Variants in TESC observed in about 807,000 individuals in gnomAD.
The protein encoded by TESC is tescalcin.
In TESC, 19 loss-of-function variants were observed where a neutral mutation model predicts 31.0. That is an observed-to-expected ratio of 0.61 (90% CI 0.43 to 0.90). The LOEUF (loss-of-function observed/expected upper bound fraction) is 0.90. TESC is among the 40% of genes least tolerant of loss of function. The pLI is 0.00. For missense variants in TESC, 248 were observed against 303.8 expected (o/e 0.82, Z 1.36); for synonymous variants, 109 against 114.8 (o/e 0.95, Z 0.32).
In TESC at chr12:117,090,319, C is replaced by A. The variant is rs1955289633; in HGVS notation, c.58+8906G>T. On this transcript the variant is annotated intron_variant, in intron 1 of 7. Coordinates refer to ENST00000335209, the MANE Select transcript of TESC (RefSeq NM_017899.4). Reference sequence around the variant, plus strand: ...ACATTAAGGTCCCCAATTATGAGCACAAGGGCAGAGATGGTGATTAAGTTT... The same window carrying A: ...ACATTAAGGTCCCCAATTATGAGCAAAAGGGCAGAGATGGTGATTAAGTTT... Among the ~76,000 whole-genome samples the A allele has an allele frequency of 2.0e-5, 3 of 152,308 alleles. No homozygotes were observed. In the South Asian group the frequency reaches 6.2e-4, roughly 32 times the overall value.
intron 1 of TESC, among the ~76,000 whole-genome samples, chr12:117,095,893 T>TA (rs960294247): frequency 1.6e-4 from 24 of 151,390 alleles, no homozygotes; most frequent in Non-Finnish European, 2.2e-4. Context: ...AACTAAAAAT[T>TA]AAAAAAAACT....
intron 1 of TESC, among the ~76,000 whole-genome samples, chr12:117,080,608 AG>A: frequency 6.6e-6 from 1 of 152,332 alleles, no homozygotes; most frequent in South Asian, 2.1e-4. Context: ...CTCACAGCTC[AG>A]GGAAGACTCC....
intron 2 of TESC, among the ~76,000 whole-genome samples, chr12:117,072,705 C>T (rs758492295): frequency 6.6e-6 from 1 of 152,248 alleles, no homozygotes; most frequent in Non-Finnish European, 1.5e-5. Flanking sequence ...TCTGCCTTCC[C>T]ACATCCTCCA....
intron 6 of TESC, among the ~76,000 whole-genome samples, chr12:117,044,225 C>G: frequency 6.6e-6 from 1 of 152,062 alleles, no homozygotes; most frequent in Non-Finnish European, 1.5e-5. Flanking sequence ...GATCACACCA[C>G]TGTACCACTG....
At chr12:117,060,846 G>C (rs1954792190) in intron 2 of TESC, among the ~76,000 whole-genome samples, 1 of 152,228 alleles carries the variant, frequency 6.6e-6, no homozygotes, top group South Asian at 2.1e-4. Context: ...GGGACCACGT[G>C]GAGCTCCAGA....
At chr12:117,042,559 T>C (rs1323335322) in intron 6 of TESC, among the ~76,000 whole-genome samples, 1 of 137,400 alleles carries the variant, frequency 7.3e-6, no homozygotes, top group Non-Finnish European at 1.6e-5. Context: ...CCGTGATAAC[T>C]CAGGGCCACT....
At chr12:117,098,833 GCTCT>G (rs1283875303) in intron 1 of TESC, among the ~76,000 whole-genome samples, 1 of 152,200 alleles carries the variant, frequency 6.6e-6, no homozygotes, top group Non-Finnish European at 1.5e-5. Flanking sequence ...AAAACTTTCC[GCTCT>G]CGCGCTCACG....
At chr12:117,098,950 G>A (rs947804205) in intron 1 of TESC, among the ~76,000 whole-genome samples, 1 of 152,046 alleles carries the variant, frequency 6.6e-6, no homozygotes. Context: ...GGAAGCCTGG[G>A]CCCCGCTCCC....
At position 117,057,760 on chromosome 12, in the gene TESC, A is replaced by G. The variant is rs146009761; in HGVS notation, c.129-874T>C. On this transcript the variant is annotated intron_variant, in intron 2 of 7. Transcript: ENST00000335209. ...AAATAAAATGTGGCCCATGCAATGG[A>G]GTTTTTTTGTTTGTTTGTTTTTTGA... Among the ~76,000 whole-genome samples the G allele has an allele frequency of 2.2e-3, 338 of 152,118 alleles. 1 individual carries two copies. The highest frequency in any genetic ancestry group is 6.8e-3 in the Middle Eastern group (2 of 294).
intron 1 of TESC, among the ~76,000 whole-genome samples, chr12:117,092,294 G>A (rs771913282): frequency 1.3e-5 from 2 of 152,200 alleles, no homozygotes; most frequent in Non-Finnish European, 1.5e-5. Flanking sequence ...AGTGCACATG[G>A]AACGCCATCC....
chr12:117,079,695 T>C (rs1015604963), intron 1 of TESC, among the ~76,000 whole-genome samples: 3 of 151,958 alleles, frequency 2.0e-5, no homozygotes, highest in African/African-American at 7.3e-5. Context: ...AGTACACCAG[T>C]GGCTGCCTGA....
chr12:117,089,177 C>T (rs1955269223), intron 1 of TESC, among the ~76,000 whole-genome samples: 1 of 152,200 alleles, frequency 6.6e-6, no homozygotes, highest in Non-Finnish European at 1.5e-5. Context: ...CAAGACTGAG[C>T]CACACACTGG....
intron 1 of TESC, among the ~76,000 whole-genome samples, chr12:117,080,924 T>TCA (rs1322580797): frequency 1.3e-5 from 2 of 152,248 alleles, no homozygotes; most frequent in Admixed American, 6.5e-5. Flanking sequence ...TCCTTGCTCC[T>TCA]CACCTCTGAG....
Position 117,051,606 on chromosome 12 carries a change from A to T in TESC, c.210-2448T>A, listed in dbSNP as rs546689917. ...CCCCCGGACTTATCGGGCTGCTCTG[A>T]AAGCCCTTCCCACAGCGACTGGCTC... On this transcript the variant is annotated intron_variant, in intron 3 of 7. Transcript: ENST00000335209. 2.0e-5 allele frequency among the ~76,000 whole-genome samples: 3 copies of T among 152,332 alleles called. No homozygotes were observed. The South Asian group carries it at 6.2e-4, about 32-fold the overall frequency.
Position 117,082,331 on chromosome 12 carries a change from C to T in TESC, c.59-6991G>A, listed in dbSNP as rs1231353690. 3.3e-5 allele frequency among the ~76,000 whole-genome samples: 5 copies of T among 151,902 alleles called. No homozygotes were observed. In the East Asian group the frequency reaches 7.7e-4, roughly 23 times the overall value. On this transcript the variant is annotated intron_variant, in intron 1 of 7. Transcript: ENST00000335209. ...CCAGCCTGGCCAATGTGGTAAAACC[C>T]CATCTCTACTAAAAATACAAAAATT...
intron 4 of TESC, among the ~76,000 whole-genome samples, chr12:117,047,894 C>G (rs1954590759): frequency 6.6e-6 from 1 of 152,078 alleles, no homozygotes; most frequent in Admixed American, 6.6e-5. Context: ...GCACGCAGCA[C>G]CACTATGCCG....
chr12:117,055,971 A>AG (rs941084316), intron 3 of TESC, among the ~76,000 whole-genome samples: 39 of 132,358 alleles, frequency 2.9e-4, no homozygotes, highest in African/African-American at 1.1e-3. Flanking sequence ...CCCAGGCTGG[A>AG]GTGCGGTGGC....
intron 3 of TESC, among the ~76,000 whole-genome samples, chr12:117,053,663 A>G (rs1459348538): frequency 6.6e-6 from 1 of 152,074 alleles, no homozygotes; most frequent in Admixed American, 6.5e-5. Context: ...CCAAAGTTGC[A>G]CCCAAGCCTT....
rs1187839286 is a variant in TESC at position 117,074,169 on chromosome 12, G to A, written c.128+1102C>T. 3.9e-5 allele frequency among the ~76,000 whole-genome samples: 6 copies of A among 152,192 alleles called. No homozygotes were observed. The South Asian group carries it at 6.2e-4, about 16-fold the overall frequency. On this transcript the variant is annotated intron_variant, in intron 2 of 7. Coordinates refer to ENST00000335209, the MANE Select transcript of TESC (RefSeq NM_017899.4). ...GAGCCCAGGAGTTCAAGACCAGCCC[G>A]AGCAACATAGCAAGACCCTGCTTCT...
Sources: allele counts gnomAD v4.1 joint callset (sites outside exome capture counted in the v4.1 genomes callset), GRCh38; gene constraint gnomAD v4.1.1; transcripts MANE v1.5; gene names NCBI Gene and HGNC (gene_info 2026-07-23, HGNC 2026-07-21).